Variants in DNAH6 observed in about 807,000 individuals in gnomAD.
The protein encoded by DNAH6 is dynein axonemal heavy chain 6, also known as axonemal beta dynein heavy chain 6.
Under a neutral mutation model 491.4 loss-of-function variants are expected in DNAH6, and 340 were observed. That is an observed-to-expected ratio of 0.69 (90% CI 0.63 to 0.76). The LOEUF (loss-of-function observed/expected upper bound fraction) is 0.76. DNAH6 is among the 30% of genes least tolerant of loss of function. The pLI, the probability that DNAH6 is intolerant of heterozygous loss-of-function variation, is 0.00. For synonymous variants in DNAH6, 1,603 were observed against 1,686.1 expected, an observed-to-expected ratio of 0.95 and a Z score of 1.21; for missense variants, 4,443 against 4,972.2, an observed-to-expected ratio of 0.89 and a Z score of 3.20.
rs1183755162 is a variant in DNAH6 at position 84,598,071 on chromosome 2, TA to T, written c.2868+2283del. The stretch of plus-strand genomic sequence containing the variant: ...GAAATGTCCAGAATAAAGAAATCTA[TA>T]GTGAGAAAGTGAACTCGTGGTTACT... On this transcript the variant is annotated intron_variant, in intron 18 of 76. Transcript: ENST00000389394. Among the ~76,000 whole-genome samples, 29 of 152,326 alleles carry T rather than the reference TA, an allele frequency of 1.9e-4. 1 individual carries two copies. The highest frequency in any genetic ancestry group is 6.7e-4 in the African/African-American group (28 of 41,576).
At chr2:84,742,191 A>C (rs1212745480) in intron 62 of DNAH6, among the ~76,000 whole-genome samples, 1 of 152,148 alleles carries the variant, frequency 6.6e-6, no homozygotes, top group African/African-American at 2.4e-5. Context: ...TACATCTTCT[A>C]ATATTAATAT....
At chr2:84,488,201 G>T in the DNAH6 span, among the ~76,000 whole-genome samples, 3 of 152,092 alleles carry the variant, frequency 2.0e-5, no homozygotes, top group African/African-American at 7.2e-5. Flanking sequence ...TCTACAGTGG[G>T]AGTAACAAAT....
chr2:84,698,890 C>T (rs972003558), intron 47 of DNAH6, among the ~76,000 whole-genome samples: 17 of 152,066 alleles, frequency 1.1e-4, no homozygotes, highest in Admixed American at 5.2e-4. Flanking sequence ...TTTACAGAAA[C>T]ATGGATGCAG....
At chr2:84,586,287 T>TA (rs2104070762) in intron 15 of DNAH6, among the ~76,000 whole-genome samples, 1 of 152,306 alleles carries the variant, frequency 6.6e-6, no homozygotes, top group Admixed American at 6.5e-5. Context: ...CACTTGTCCC[T>TA]AACTGGCTCC....
intron 18 of DNAH6, 21 bp from the exon 19 acceptor site, chr2:84,604,318 C>T (rs954333635): frequency 2.0e-6 from 3 of 1,535,240 alleles, no homozygotes; most frequent in Non-Finnish European, 2.7e-6. Context: ...CTTCATGTCT[C>T]TGAGAGTGTT....
intron 61 of DNAH6, among the ~76,000 whole-genome samples, chr2:84,732,569 T>TA (rs1318688654): frequency 6.6e-6 from 1 of 152,154 alleles, no homozygotes; most frequent in Non-Finnish European, 1.5e-5. Flanking sequence ...GAAGTGTCCA[T>TA]AATGGGCAAA....
At chr2:84,577,482 T>A in intron 13 of DNAH6, 74 bp downstream of exon 13, 1 of 1,085,438 alleles carries the variant, frequency 9.2e-7, no homozygotes, top group Non-Finnish European at 1.3e-6. Context: ...CACAAAAACC[T>A]AGTATTTATT....
At chr2:84,514,857 T>TCCACCAG (rs1675479939), upstream of DNAH6, among the ~76,000 whole-genome samples, 1 of 61,080 alleles carries the variant, frequency 1.6e-5, no homozygotes, top group African/African-American at 7.0e-5. Flanking sequence ...CCACCCCCAC[T>TCCACCAG]TCACCACAGT....
the DNAH6 span, among the ~76,000 whole-genome samples, chr2:84,461,472 C>T: frequency 6.6e-6 from 1 of 152,158 alleles, no homozygotes; most frequent in African/African-American, 2.4e-5. Context: ...AATACCACAC[C>T]ACTCATCTTT....
Position 84,544,273 on chromosome 2 carries a change from A to G in DNAH6, c.703A>G (p.Thr235Ala), listed in dbSNP as rs1678555718. The G allele has an allele frequency of 2.0e-6, 3 of 1,509,144 alleles. No homozygotes were observed. Among genetic ancestry groups the G allele is most frequent in the Non-Finnish European group, 2.7e-6 (3 of 1,109,212 alleles). 93.5% of individuals were successfully genotyped at this position (1,509,144 alleles called of 1,614,324 possible). Reference sequence around the variant, plus strand: ...GAACATCAATAAAAATGACTACTATACTATTAGCCAAAGGGCAGTAACACA... The same window carrying G: ...GAACATCAATAAAAATGACTACTATGCTATTAGCCAAAGGGCAGTAACACA... ...YENINKNDYYTISQRAVTHIY... is the reference protein window; with the variant it reads ...YENINKNDYYAISQRAVTHIY... Residue 235 changes from threonine to alanine, a missense_variant, in exon 5 of 77, where the codon ACT (threonine) becomes GCT (alanine). This residue lies in a region of DNAH6 where 2,977 missense variants were observed against 3,296.6 expected (regional missense o/e 0.90). Coordinates refer to ENST00000389394, the MANE Select transcript of DNAH6 (RefSeq NM_001370.2).
chr2:84,630,480 C>G (rs768386585), intron 29 of DNAH6, among the ~76,000 whole-genome samples: 3 of 151,996 alleles, frequency 2.0e-5, no homozygotes, highest in Non-Finnish European at 4.4e-5. Flanking sequence ...GATAAAGGAC[C>G]ATGTTAACAC....
intron 33 of DNAH6, among the ~76,000 whole-genome samples, chr2:84,649,491 T>C (rs1011412857): frequency 1.3e-5 from 2 of 152,208 alleles, no homozygotes; most frequent in African/African-American, 4.8e-5. Flanking sequence ...CATTTCCTTT[T>C]CCTTTATCTG....
chr2:84,762,217 A>G (rs745922590), intron 63 of DNAH6, among the ~76,000 whole-genome samples: 1 of 152,206 alleles, frequency 6.6e-6, no homozygotes, highest in Non-Finnish European at 1.5e-5. Flanking sequence ...AGATGAAGAA[A>G]GGGAGACAAT....
At position 84,546,793 on chromosome 2, in the gene DNAH6, C is replaced by T. The variant is rs187296802; in HGVS notation, c.931-475C>T. Among the ~76,000 whole-genome samples, 56 of 152,248 alleles carry T rather than the reference C, an allele frequency of 3.7e-4. No individual in the cohort carries two copies. In the East Asian group the frequency reaches 9.1e-3, roughly 25 times the overall value. The stretch of plus-strand genomic sequence containing the variant: ...AATTGCTGGGTCATTAGCAACTTTA[C>T]GTTTAACCTTTTGAGAAAACATGAA... On this transcript the variant is annotated intron_variant, in intron 5 of 76. Transcript: ENST00000389394.
At chr2:84,500,412 A>T in the DNAH6 span, among the ~76,000 whole-genome samples, 1 of 152,170 alleles carries the variant, frequency 6.6e-6, no homozygotes, top group African/African-American at 2.4e-5. Flanking sequence ...TGCCAGTACC[A>T]TGCTGTTATG....
chr2:84,644,461 C>T (rs991499047), intron 33 of DNAH6, among the ~76,000 whole-genome samples: 1 of 151,906 alleles, frequency 6.6e-6, no homozygotes, highest in African/African-American at 2.4e-5. Context: ...GTCCAGGATA[C>T]ATGTGCAGGA....
At chr2:84,619,512 C>T (rs142683063) in intron 23 of DNAH6, among the ~76,000 whole-genome samples, 173 bp from the exon 24 acceptor site, 6 of 152,248 alleles carry the variant, frequency 3.9e-5, no homozygotes, top group African/African-American at 1.4e-4. Context: ...CTAATTTTCA[C>T]AGAAATCATG....
chr2:84,715,464 ATC>A, intron 57 of DNAH6, 94 bp from the exon 58 acceptor site: 1 of 1,170,478 alleles, frequency 8.5e-7, no homozygotes, highest in Non-Finnish European at 1.2e-6. Context: ...CCTGAGATAC[ATC>A]CGCCTGGGTA....
the DNAH6 span, among the ~76,000 whole-genome samples, chr2:84,477,075 A>T: frequency 6.6e-6 from 1 of 150,594 alleles, no homozygotes. Context: ...AGCAGAGTCA[A>T]AGGATTGAGA....
Sources: gnomAD v4.1 joint callset for allele counts (sites outside exome capture counted in the v4.1 genomes callset) on GRCh38, gnomAD v4.1.1 for gene constraint, gnomAD v4.1.1 regional missense constraint, MANE v1.5 for transcripts, NCBI Gene and HGNC (gene_info 2026-07-23, HGNC 2026-07-21) for gene names.